The following MAPK10 variants were observed in gnomAD, a reference collection of about 807,000 sequenced individuals.
MAPK10 encodes mitogen-activated protein kinase 10, also known as JNK3 alpha protein kinase.
MAPK10 carries 25 observed loss-of-function variants against 59.3 expected under a neutral mutation model. The ratio of observed to expected loss-of-function variants is 0.42; its 90% CI spans 0.31 to 0.59. The LOEUF is 0.59. Ranked by LOEUF, MAPK10 falls within the 20% of genes least tolerant of loss-of-function variation. The pLI is 0.15. For synonymous variants in MAPK10, 190 were observed against 200.5 expected (o/e 0.95, Z 0.44); for missense variants, 351 against 568.9 (o/e 0.62, Z 3.90).
rs1295880976 is a variant in MAPK10, at chr4:86,266,451, A to G, written c.-6-72044T>C. Among the ~76,000 whole-genome samples, 4 of 152,164 alleles carry G rather than the reference A, an allele frequency of 2.6e-5. No homozygotes were observed. In the East Asian group the frequency reaches 7.7e-4, roughly 29 times the overall value. On this transcript the variant is annotated intron_variant, in intron 2 of 13. Transcript: ENST00000641462. The stretch of plus-strand genomic sequence containing the variant: ...TTAATGCATGCAAAACAGAGTACTA[A>G]CTGGCAATAATATTTGAGTGTTATA...
chr4:86,572,330 C>T (rs1761522749), intron 1 of MAPK10, among the ~76,000 whole-genome samples: 1 of 152,088 alleles, frequency 6.6e-6, no homozygotes, highest in African/African-American at 2.4e-5. Context: ...ATGCCATTGT[C>T]TTCTTTTTGC....
In MAPK10 at chr4:86,097,841, A is replaced by T. The variant is rs759667699; in HGVS notation, c.802+683T>A. Among the ~76,000 whole-genome samples, 61 of 152,256 alleles carry T rather than the reference A, an allele frequency of 4.0e-4. No homozygotes were observed. In the Middle Eastern group the frequency reaches 0.017, roughly 42 times the overall value. On this transcript the variant is annotated intron_variant, in intron 9 of 13. Transcript: ENST00000641462. ...TCTGATGGACTCTATTGCAGGACTC[A>T]GTAGTAGAACTTAAATCCAAATTGC...
At chr4:86,538,169 G>A (rs1303715516) in intron 1 of MAPK10, among the ~76,000 whole-genome samples, 1 of 149,808 alleles carries the variant, frequency 6.7e-6, no homozygotes, top group South Asian at 2.1e-4. Flanking sequence ...TTTTTTAGAC[G>A]GAGTTTCACT....
chr4:86,173,686 A>G (rs1480964088), intron 3 of MAPK10, among the ~76,000 whole-genome samples: 2 of 152,224 alleles, frequency 1.3e-5, no homozygotes, highest in African/African-American at 4.8e-5. Flanking sequence ...CATCAAAATG[A>G]ACAGGCAACC....
chr4:86,440,873 AC>A (rs1449007523), intron 1 of MAPK10, among the ~76,000 whole-genome samples: 1 of 152,208 alleles, frequency 6.6e-6, no homozygotes, highest in Non-Finnish European at 1.5e-5. Flanking sequence ...ACACAGAGTA[AC>A]AAATATAATA....
At chr4:86,482,114 T>C (rs895824588) in intron 1 of MAPK10, among the ~76,000 whole-genome samples, 1 of 152,190 alleles carries the variant, frequency 6.6e-6, no homozygotes, top group Non-Finnish European at 1.5e-5. Flanking sequence ...GATTTCATGT[T>C]GGCCTTGTTT....
At chr4:86,474,273 A>C (rs1312690443) in intron 1 of MAPK10, among the ~76,000 whole-genome samples, 1 of 152,210 alleles carries the variant, frequency 6.6e-6, no homozygotes. Flanking sequence ...GAAAGTTCTA[A>C]AAGTTATTGG....
chr4:86,143,522 T>G (rs4693757), intron 4 of MAPK10, among the ~76,000 whole-genome samples: 21,624 of 152,170 alleles, frequency 0.14, 1,636 homozygotes, highest in Admixed American at 0.17. Flanking sequence ...AAGAGAGAAG[T>G]GTTCAAGTCA....
At chr4:86,187,119 A>G (rs549338803) in intron 3 of MAPK10, among the ~76,000 whole-genome samples, 13 of 152,046 alleles carry the variant, frequency 8.6e-5, no homozygotes, top group Admixed American at 5.2e-4. Context: ...ATAATACAGT[A>G]GTCTCCCCTT....
chr4:86,456,620 C>G (rs1028339437), upstream of MAPK10, among the ~76,000 whole-genome samples: 2 of 152,010 alleles, frequency 1.3e-5, no homozygotes, highest in African/African-American at 4.8e-5. Context: ...GAATTAGACA[C>G]TCTGAACAGA....
At chr4:86,376,427 G>A (rs997066008) in intron 1 of MAPK10, among the ~76,000 whole-genome samples, 2 of 152,106 alleles carry the variant, frequency 1.3e-5, no homozygotes, top group Non-Finnish European at 2.9e-5. Flanking sequence ...CTAAAATCTG[G>A]AGACTCCAAT....
chr4:86,479,956 G>T (rs1285344645), intron 1 of MAPK10, among the ~76,000 whole-genome samples: 2 of 151,862 alleles, frequency 1.3e-5, no homozygotes, highest in African/African-American at 4.8e-5. Flanking sequence ...AAGCATCCCT[G>T]AGAAACATCG....
At chr4:86,071,721 T>C (rs1339726318) in intron 9 of MAPK10, among the ~76,000 whole-genome samples, 2 of 151,486 alleles carry the variant, frequency 1.3e-5, no homozygotes, top group South Asian at 2.1e-4. Context: ...GCGTTATTTC[T>C]GAGGGCTCTG....
In MAPK10 at chr4:86,354,746, G is replaced by A. The variant is rs1733545186; in HGVS notation, c.-121-102C>T. On this transcript the variant is annotated intron_variant, in intron 1 of 13. Coordinates refer to ENST00000641462, the MANE Select transcript of MAPK10 (RefSeq NM_138982.4). Reference sequence around the variant, plus strand: ...TCAAAGACAGTTGGTTACTGGGTGGGTGAGTGTAGGCAGAGGAAAGAAAAT... The same window carrying A: ...TCAAAGACAGTTGGTTACTGGGTGGATGAGTGTAGGCAGAGGAAAGAAAAT... The A allele has an allele frequency of 3.5e-5, 14 of 405,186 alleles. No individual in the cohort carries two copies. The East Asian group carries it at 5.0e-4, about 15-fold the overall frequency. 25.1% of individuals were successfully genotyped at this position (405,186 alleles called of 1,614,324 possible).
At chr4:86,295,841 C>A (rs575944916) in intron 2 of MAPK10, among the ~76,000 whole-genome samples, 1 of 139,598 alleles carries the variant, frequency 7.2e-6, no homozygotes. Flanking sequence ...CTATTTTTTT[C>A]CCTACCCTGC....
At chr4:86,507,643 T>TAC (rs2149082101) in intron 1 of MAPK10, among the ~76,000 whole-genome samples, 1 of 85,922 alleles carries the variant, frequency 1.2e-5, no homozygotes, top group Admixed American at 1.3e-4. Context: ...TATATATATA[T>TAC]ATATATATAT....
At chr4:86,190,558 G>A (rs911812666) in intron 3 of MAPK10, among the ~76,000 whole-genome samples, 22 of 152,022 alleles carry the variant, frequency 1.4e-4, no homozygotes, top group Non-Finnish European at 1.0e-4. Flanking sequence ...ATTCTCTGAC[G>A]GTAGTCTGTA....
chr4:86,042,635 TTATAAC>T (rs2041796200), intron 11 of MAPK10, among the ~76,000 whole-genome samples: 1 of 152,248 alleles, frequency 6.6e-6, no homozygotes, highest in East Asian at 1.9e-4. Flanking sequence ...AAGTAGCTTG[TTATAAC>T]TATAAGATGT....
At chr4:86,335,619 T>C (rs1720783313) in intron 2 of MAPK10, among the ~76,000 whole-genome samples, 1 of 152,088 alleles carries the variant, frequency 6.6e-6, no homozygotes, top group Non-Finnish European at 1.5e-5. Flanking sequence ...ATTAGTTTTT[T>C]TTTTCACACT....
Sources: allele counts gnomAD v4.1 joint callset (sites outside exome capture counted in the v4.1 genomes callset), GRCh38; gene constraint gnomAD v4.1.1; transcripts MANE v1.5; gene names NCBI Gene and HGNC (gene_info 2026-07-23, HGNC 2026-07-21).